The following SGCZ variants were observed in gnomAD, a reference collection of about 807,000 sequenced individuals.
The protein encoded by SGCZ is zeta-sarcoglycan.
Under a neutral mutation model 41.3 loss-of-function variants are expected in SGCZ, and 40 were observed. The observed-to-expected ratio is 0.97, with a 90% CI of 0.75 to 1.26. SGCZ has a LOEUF of 1.26. Among genes scored for constraint, SGCZ ranks in the 50% most tolerant of loss-of-function variants. SGCZ has a pLI of 0.00. For synonymous variants in SGCZ, 206 were observed against 137.5 expected (o/e 1.50, Z -3.49); for missense variants, 552 against 369.8 (o/e 1.49, Z -4.04).
At chr8:14,141,690 A>G (rs1803374777) in intron 5 of SGCZ, among the ~76,000 whole-genome samples, 1 of 152,216 alleles carries the variant, frequency 6.6e-6, no homozygotes, top group South Asian at 2.1e-4. Flanking sequence ...GGATGTGGAG[A>G]AATAGGAACA....
chr8:15,158,182 G>T (rs1221885329), intron 1 of SGCZ, among the ~76,000 whole-genome samples: 2 of 151,274 alleles, frequency 1.3e-5, no homozygotes, highest in Non-Finnish European at 2.9e-5. Flanking sequence ...AAAAAATGGT[G>T]AAAAGATATA....
chr8:14,753,481 A>C (rs1032814204), intron 1 of SGCZ, among the ~76,000 whole-genome samples: 2 of 152,212 alleles, frequency 1.3e-5, no homozygotes, highest in African/African-American at 4.8e-5. Context: ...AATTTTTCAA[A>C]TATGCATAAG....
chr8:15,133,653 T>G (rs1807999432), intron 1 of SGCZ, among the ~76,000 whole-genome samples: 1 of 152,136 alleles, frequency 6.6e-6, no homozygotes, highest in African/African-American at 2.4e-5. Context: ...TCTTTTACTC[T>G]CTTATGTTTA....
rs1370276973 is a variant in SGCZ, at chr8:15,004,321, C to T, written c.39+233264G>A. ...GGTAGAATGTGCATGCAACACCAGG[C>T]CCACGCATGTGCACCAACTAATAGT... is the stretch of plus-strand genomic sequence containing the variant. On this transcript the variant is annotated intron_variant, in intron 1 of 7. Coordinates refer to ENST00000382080, the MANE Select transcript of SGCZ (RefSeq NM_139167.4). Among the ~76,000 whole-genome samples the T allele has an allele frequency of 2.6e-5, 4 of 152,058 alleles. 1 individual carries two copies. The East Asian group carries it at 7.7e-4, about 29-fold the overall frequency.
chr8:14,704,403 T>C (rs539984716), intron 1 of SGCZ, among the ~76,000 whole-genome samples: 1 of 152,166 alleles, frequency 6.6e-6, no homozygotes, highest in Admixed American at 6.6e-5. Flanking sequence ...TTTAAAGTCA[T>C]TCTTTTATAT....
intron 1 of SGCZ, among the ~76,000 whole-genome samples, chr8:14,685,035 T>C (rs1808567295): frequency 6.6e-6 from 1 of 152,166 alleles, no homozygotes; most frequent in Admixed American, 6.6e-5. Flanking sequence ...AACCATTAAT[T>C]TGAAATCTGT....
intron 1 of SGCZ, among the ~76,000 whole-genome samples, chr8:14,677,054 T>C (rs951569833): frequency 6.6e-6 from 1 of 151,938 alleles, no homozygotes; most frequent in Non-Finnish European, 1.5e-5. Context: ...TAATTGTCTA[T>C]GTAGAAAATT....
At chr8:14,914,291 GAT>G (rs1799363972) in intron 1 of SGCZ, among the ~76,000 whole-genome samples, 1 of 151,804 alleles carries the variant, frequency 6.6e-6, no homozygotes. Flanking sequence ...AGTAAAATAA[GAT>G]ATCACCGTCA....
chr8:14,853,851 C>G (rs1321496383), intron 1 of SGCZ, among the ~76,000 whole-genome samples: 1 of 151,620 alleles, frequency 6.6e-6, no homozygotes, highest in Non-Finnish European at 1.5e-5. Context: ...CAATTTAGTC[C>G]CAATATCCAA....
chr8:14,613,089 G>C (rs779127949), intron 1 of SGCZ, among the ~76,000 whole-genome samples: 76 of 152,194 alleles, frequency 5.0e-4, no homozygotes, highest in Non-Finnish European at 8.1e-4. Flanking sequence ...CCTGTGCCCT[G>C]CACCCCACAT....
intron 2 of SGCZ, among the ~76,000 whole-genome samples, chr8:14,325,580 T>C (rs939264341): frequency 4.8e-5 from 7 of 144,642 alleles, no homozygotes; most frequent in Non-Finnish European, 9.2e-5. Context: ...ATATAATAGA[T>C]CATATATAAT....
intron 1 of SGCZ, among the ~76,000 whole-genome samples, chr8:15,109,495 T>C (rs1806963710): frequency 6.6e-6 from 1 of 152,142 alleles, no homozygotes; most frequent in Non-Finnish European, 1.5e-5. Context: ...GTTGAGAGTA[T>C]AGTTATTTAT....
intron 1 of SGCZ, among the ~76,000 whole-genome samples, chr8:15,207,194 A>G (rs1801096005): frequency 6.6e-6 from 1 of 152,188 alleles, no homozygotes; most frequent in Admixed American, 6.5e-5. Flanking sequence ...TTTTCCAGAC[A>G]CACCAAGTTT....
At chr8:15,089,273 C>T (rs887140071) in intron 1 of SGCZ, among the ~76,000 whole-genome samples, 6 of 152,042 alleles carry the variant, frequency 3.9e-5, no homozygotes, top group African/African-American at 9.7e-5. Context: ...GTCTCCATTG[C>T]TATTATATTA....
At chr8:14,112,727 A>T (rs1306377206) in intron 5 of SGCZ, among the ~76,000 whole-genome samples, 1 of 152,068 alleles carries the variant, frequency 6.6e-6, no homozygotes, top group Non-Finnish European at 1.5e-5. Flanking sequence ...TAAAATTAAA[A>T]ACCAGATCAT....
chr8:15,119,022 C>T (rs1013016832), intron 1 of SGCZ, among the ~76,000 whole-genome samples: 2 of 152,034 alleles, frequency 1.3e-5, no homozygotes, highest in East Asian at 1.9e-4. Flanking sequence ...GTAGAAGGCA[C>T]GCTTTTGGGA....
intron 3 of SGCZ, among the ~76,000 whole-genome samples, chr8:14,295,417 C>G (rs7840296): frequency 7.0e-4 from 107 of 152,120 alleles, no homozygotes; most frequent in African/African-American, 2.4e-3. Context: ...AGTAATGGTA[C>G]ATCAATGTCA....
chr8:14,413,726 G>C (rs187464520), intron 2 of SGCZ, among the ~76,000 whole-genome samples: 26 of 151,860 alleles, frequency 1.7e-4, no homozygotes, highest in African/African-American at 5.5e-4. Context: ...CATCTTCTTT[G>C]TCTATGCTTG....
At chr8:15,052,934 C>T (rs1216483689) in intron 1 of SGCZ, among the ~76,000 whole-genome samples, 1 of 152,140 alleles carries the variant, frequency 6.6e-6, no homozygotes, top group Non-Finnish European at 1.5e-5. Context: ...CTCCACATCA[C>T]TCCAATCCAT....
Sources: gnomAD v4.1 joint callset for allele counts (sites outside exome capture counted in the v4.1 genomes callset) on GRCh38, gnomAD v4.1.1 for gene constraint, MANE v1.5 for transcripts, NCBI Gene and HGNC (gene_info 2026-07-23, HGNC 2026-07-21) for gene names.